The following SORCS1 variants were observed in gnomAD, a reference collection of about 807,000 sequenced individuals.
SORCS1 encodes sortilin related VPS10 domain containing receptor 1, also known as VPS10 domain-containing receptor SorCS1.
In SORCS1, 60 loss-of-function variants were observed where a neutral mutation model predicts 146.1. That is an observed-to-expected ratio of 0.41 (90% CI 0.33 to 0.51). The LOEUF (loss-of-function observed/expected upper bound fraction) is 0.51. Ranked by LOEUF, SORCS1 falls within the 20% of genes least tolerant of loss-of-function variation. The pLI, the probability that SORCS1 is intolerant of heterozygous loss-of-function variation, is 0.21. For missense variants in SORCS1, 1,352 were observed against 1,487.6 expected (o/e 0.91, Z 1.50); for synonymous variants, 637 against 584.0 (o/e 1.09, Z -1.31).
intron 3 of SORCS1, among the ~76,000 whole-genome samples, chr10:106,811,893 T>C (rs571382772): frequency 1.5e-3 from 222 of 152,306 alleles, no homozygotes; most frequent in African/African-American, 4.8e-3. Flanking sequence ...CATCCTTGCA[T>C]GGTTACCAGC....
chr10:106,790,898 C>G (rs17121589), intron 3 of SORCS1, among the ~76,000 whole-genome samples: 6,355 of 152,064 alleles, frequency 0.042, 207 homozygotes, highest in East Asian at 0.11. Flanking sequence ...CACATATGAA[C>G]AAGAAAAAAT....
At chr10:106,646,128 G>A (rs1356980564) in intron 18 of SORCS1, among the ~76,000 whole-genome samples, 1 of 151,914 alleles carries the variant, frequency 6.6e-6, no homozygotes, top group Admixed American at 6.6e-5. Context: ...AGCTGGGTGT[G>A]GTAGCTGGCA....
intron 2 of SORCS1, among the ~76,000 whole-genome samples, chr10:106,904,398 C>A (rs1288139499): frequency 5.9e-5 from 9 of 152,108 alleles, no homozygotes; most frequent in Admixed American, 5.2e-4. Flanking sequence ...ATCAATGGCT[C>A]AGCCCCAAAA....
chr10:106,833,065 T>G (rs1948626324), intron 2 of SORCS1, among the ~76,000 whole-genome samples: 1 of 142,420 alleles, frequency 7.0e-6, no homozygotes, highest in East Asian at 2.0e-4. Context: ...TGTGACAAGA[T>G]GACAATAGAG....
At chr10:106,979,154 G>A (rs1484448100) in intron 1 of SORCS1, among the ~76,000 whole-genome samples, 8 of 152,076 alleles carry the variant, frequency 5.3e-5, no homozygotes, top group Admixed American at 5.2e-4. Flanking sequence ...GTGAATAATT[G>A]CATACTTTAT....
intron 18 of SORCS1, among the ~76,000 whole-genome samples, chr10:106,643,805 G>A (rs1849229655): frequency 6.6e-6 from 1 of 152,226 alleles, no homozygotes; most frequent in Non-Finnish European, 1.5e-5. Flanking sequence ...GAACAGATGA[G>A]AACCAGGCCT....
At chr10:107,133,542 A>G (rs1220234144) in intron 1 of SORCS1, among the ~76,000 whole-genome samples, 1 of 152,168 alleles carries the variant, frequency 6.6e-6, no homozygotes, top group Non-Finnish European at 1.5e-5. Flanking sequence ...GTGCTGAAGC[A>G]GTACATTTGG....
intron 1 of SORCS1, among the ~76,000 whole-genome samples, chr10:107,005,469 T>C (rs1289694531): frequency 1.3e-5 from 2 of 152,218 alleles, no homozygotes; most frequent in African/African-American, 2.4e-5. Flanking sequence ...TTGAAAACTT[T>C]CACAAATAAA....
chr10:106,977,378 G>A (rs1956072420), intron 1 of SORCS1, among the ~76,000 whole-genome samples: 1 of 152,032 alleles, frequency 6.6e-6, no homozygotes, highest in African/African-American at 2.4e-5. Context: ...TTTTGATGGG[G>A]TTGTTTTATT....
At chr10:106,652,651 C>A in intron 17 of SORCS1, 98 bp from the exon 18 acceptor site, 1 of 1,309,454 alleles carries the variant, frequency 7.6e-7, no homozygotes, top group Non-Finnish European at 1.1e-6. Flanking sequence ...TGAGGACCAT[C>A]AGTAAGCACC....
intron 5 of SORCS1, among the ~76,000 whole-genome samples, chr10:106,731,188 T>C (rs578096427): frequency 1.6e-4 from 24 of 147,216 alleles, no homozygotes; most frequent in Non-Finnish European, 2.8e-4. Context: ...GGGGTGCCTG[T>C]AGCCCCAGCT....
At chr10:107,083,823 T>A (rs989238612) in intron 1 of SORCS1, among the ~76,000 whole-genome samples, 1 of 152,174 alleles carries the variant, frequency 6.6e-6, no homozygotes, top group African/African-American at 2.4e-5. Context: ...CACGCTAATC[T>A]ACTATGATTC....
At chr10:106,703,704 A>C (rs374019882) in intron 8 of SORCS1, among the ~76,000 whole-genome samples, 243 of 152,348 alleles carry the variant, frequency 1.6e-3, no homozygotes, top group African/African-American at 5.4e-3. Context: ...GGTCGGCATG[A>C]AGCTTTGTTC....
chr10:106,968,141 C>T (rs1468082277), intron 1 of SORCS1, among the ~76,000 whole-genome samples: 8 of 151,830 alleles, frequency 5.3e-5, no homozygotes, highest in African/African-American at 1.9e-4. Context: ...ACCCAGGAGG[C>T]GGAGCTTGCA....
rs766633614 is a variant in SORCS1 at position 106,960,623 on chromosome 10, G to T, written c.559-4043C>A. On this transcript the variant is annotated intron_variant, in intron 1 of 25. Coordinates refer to ENST00000263054, the MANE Select transcript of SORCS1 (RefSeq NM_052918.5). This position sits in a 1 kb window ranked among gnomAD's most constrained non-coding sequence, Gnocchi z 4.4. ...TCACCATGTTGAGGAGAATGGTCTC[G>T]ATCTCTTGACCTCGTGATCCACCTG... is the stretch of plus-strand genomic sequence containing the variant. Among the ~76,000 whole-genome samples, 1 of 151,998 alleles carries T rather than the reference G, an allele frequency of 6.6e-6. No individual in the cohort carries two copies. Among genetic ancestry groups the T allele is most frequent in the African/African-American group, 2.4e-5 (1 of 41,390 alleles).
chr10:107,108,439 A>T (rs911428594), intron 1 of SORCS1, among the ~76,000 whole-genome samples: 2 of 152,198 alleles, frequency 1.3e-5, no homozygotes, highest in Non-Finnish European at 2.9e-5. Flanking sequence ...AAGCAGAAGC[A>T]AACAAGAGAG....
chr10:106,620,200 G>T, intron 20 of SORCS1: 1 of 443,148 alleles, frequency 2.3e-6, no homozygotes, highest in Non-Finnish European at 3.9e-6. Context: ...GGAGAAAAAC[G>T]TAAACATAGA....
rs539641188 is a variant in SORCS1 at position 106,733,150 on chromosome 10, A to G, written c.960-3036T>C. Among the ~76,000 whole-genome samples, 126 of 151,996 alleles carry G rather than the reference A, an allele frequency of 8.3e-4. 6 individuals are homozygous for G. In the South Asian group the frequency reaches 0.024, roughly 29 times the overall value. On this transcript the variant is annotated intron_variant, in intron 5 of 25. Coordinates refer to ENST00000263054, the MANE Select transcript of SORCS1 (RefSeq NM_052918.5). ...AGAAAAGAAAAGAAAAGAAAAAGAAAAAAAAGAGGCAAGAGCAAAACAGAG... is the reference window on the plus strand; with the variant it reads ...AGAAAAGAAAAGAAAAGAAAAAGAAGAAAAAGAGGCAAGAGCAAAACAGAG...
At chr10:106,881,076 C>CAAAAAAAAAAAAAAAAAA (rs59128024) in intron 2 of SORCS1, among the ~76,000 whole-genome samples, 1 of 69,168 alleles carries the variant, frequency 1.4e-5, no homozygotes, top group African/African-American at 5.8e-5. Context: ...GACTCTGTCT[C>CAAAAAAAAAAAAAAAAAA]AAAAAAAAAA....
Sources: gnomAD v4.1 joint callset for allele counts (sites outside exome capture counted in the v4.1 genomes callset) on GRCh38, gnomAD v4.1.1 for gene constraint, Gnocchi (gnomAD v3.1) non-coding constraint, MANE v1.5 for transcripts, NCBI Gene and HGNC (gene_info 2026-07-23, HGNC 2026-07-21) for gene names.